Variants in COL19A1 observed in about 807,000 individuals in gnomAD.
The protein encoded by COL19A1 is collagen type XIX alpha 1 chain.
COL19A1 carries 159 observed loss-of-function variants against 190.2 expected under a neutral mutation model. The ratio of observed to expected loss-of-function variants is 0.84; its 90% confidence interval spans 0.73 to 0.95. The LOEUF is 0.95. Among genes scored for constraint, COL19A1 ranks in the 40% least tolerant of loss-of-function variants. The pLI is 0.00. For missense variants in COL19A1, 1,418 were observed against 1,431.9 expected, an observed-to-expected ratio of 0.99 and a Z score of 0.16; for synonymous variants, 509 against 458.9, an observed-to-expected ratio of 1.11 and a Z score of -1.39.
At chr6:70,203,864 A>AT (rs11444591) in intron 49 of COL19A1, among the ~76,000 whole-genome samples, 10,178 of 146,692 alleles carry the variant, frequency 0.069, 1,136 homozygotes, top group African/African-American at 0.23. Flanking sequence ...ATCCTGTAGA[A>AT]TTTTTTTTTT....
At chr6:70,190,292 A>G in intron 47 of COL19A1, 23 bp from the exon 48 acceptor site, 1 of 1,567,198 alleles carries the variant, frequency 6.4e-7, no homozygotes, top group Non-Finnish European at 8.8e-7. Flanking sequence ...CTATTTTAAC[A>G]ACCTTTTTTT....
intron 12 of COL19A1, among the ~76,000 whole-genome samples, chr6:70,031,269 A>T (rs1388989201): frequency 6.6e-6 from 1 of 152,052 alleles, no homozygotes; most frequent in Non-Finnish European, 1.5e-5. Flanking sequence ...TTCATGAGGT[A>T]CATGAGAATT....
intron 16 of COL19A1, among the ~76,000 whole-genome samples, chr6:70,117,826 ACAAT>A (rs2150207471): frequency 6.6e-6 from 1 of 152,360 alleles, no homozygotes; most frequent in Admixed American, 6.5e-5. Context: ...TGACTTGTGT[ACAAT>A]CATGTTGTGG....
intron 19 of COL19A1, among the ~76,000 whole-genome samples, chr6:70,140,362 G>A (rs1287359862): frequency 1.3e-5 from 2 of 151,792 alleles, no homozygotes; most frequent in East Asian, 1.9e-4. Flanking sequence ...AATTTTTATT[G>A]CTGTATTATT....
At chr6:70,168,984 C>T (rs1238589519) in intron 40 of COL19A1, among the ~76,000 whole-genome samples, 1 of 151,990 alleles carries the variant, frequency 6.6e-6, no homozygotes. Flanking sequence ...TAATAGCCCT[C>T]TTCTGATAAT....
chr6:69,869,522 TAGATC>T (rs553268184), intron 1 of COL19A1, among the ~76,000 whole-genome samples: 114 of 152,126 alleles, frequency 7.5e-4, no homozygotes, highest in Middle Eastern at 3.4e-3. Flanking sequence ...TTAAGATTAT[TAGATC>T]AGAAAACCAG....
At chr6:70,185,041 C>A in intron 46 of COL19A1, 126 bp downstream of exon 46, 1 of 797,172 alleles carries the variant, frequency 1.3e-6, no homozygotes, top group Non-Finnish European at 1.9e-6. Context: ...AGGGTGTAGG[C>A]GATCAAAGAT....
At chr6:70,139,538 C>T (rs528454683) in intron 19 of COL19A1, among the ~76,000 whole-genome samples, 5 of 152,178 alleles carry the variant, frequency 3.3e-5, no homozygotes, top group African/African-American at 4.8e-5. Context: ...ATTAAAACAA[C>T]GCAAATTTTA....
At chr6:69,983,021 T>TAA (rs397951373) in intron 11 of COL19A1, among the ~76,000 whole-genome samples, 5,085 of 148,088 alleles carry the variant, frequency 0.034, 117 homozygotes, top group Admixed American at 0.062. Flanking sequence ...AATAAATAAA[T>TAA]ATAAAATAAA....
At position 70,064,126 on chromosome 6, in the gene COL19A1, A is replaced by T. The variant is rs1781024695; in HGVS notation, c.1171-4297A>T. ...GAGAGAATCCTCCCTAACTCATTTTATGAGGACAGCATCATCCTGATACCA... is the reference window on the plus strand; with the variant it reads ...GAGAGAATCCTCCCTAACTCATTTTTTGAGGACAGCATCATCCTGATACCA... On this transcript the variant is annotated intron_variant, in intron 14 of 50. Transcript: ENST00000620364. Among the ~76,000 whole-genome samples, 4 of 152,220 alleles carry T rather than the reference A, an allele frequency of 2.6e-5. No homozygotes were observed. In the South Asian group the frequency reaches 8.3e-4, roughly 32 times the overall value.
intron 2 of COL19A1, among the ~76,000 whole-genome samples, chr6:69,884,854 T>C (rs985174686): frequency 1.3e-5 from 2 of 148,710 alleles, no homozygotes; most frequent in African/African-American, 4.9e-5. Flanking sequence ...CCTTTGGCTC[T>C]TTTCTCTTTT....
chr6:70,000,541 A>G (rs1039378295), intron 11 of COL19A1, among the ~76,000 whole-genome samples: 4 of 152,068 alleles, frequency 2.6e-5, no homozygotes, highest in Non-Finnish European at 5.9e-5. Context: ...ATGTTTCTTG[A>G]CTTTTTAATA....
intron 20 of COL19A1, 80 bp from the exon 21 acceptor site, chr6:70,141,813 G>T (rs751182119): frequency 1.1e-5 from 10 of 919,848 alleles, no homozygotes; most frequent in Non-Finnish European, 1.7e-5. Flanking sequence ...TTAATTAGTA[G>T]AAATTCAATT....
chr6:69,898,914 G>T, intron 2 of COL19A1, 34 bp from the exon 3 acceptor site: 1 of 1,313,906 alleles, frequency 7.6e-7, no homozygotes, highest in Non-Finnish European at 1.1e-6. Flanking sequence ...CATACATAAT[G>T]CAAATCCTCT....
At chr6:70,055,602 G>A (rs142940226) in intron 14 of COL19A1, among the ~76,000 whole-genome samples, 2 of 151,498 alleles carry the variant, frequency 1.3e-5, no homozygotes, top group African/African-American at 4.8e-5. Flanking sequence ...GCCAACATGG[G>A]GAAACCTCAT....
At chr6:69,899,907 T>G (rs1335237091) in intron 3 of COL19A1, among the ~76,000 whole-genome samples, 1 of 152,196 alleles carries the variant, frequency 6.6e-6, no homozygotes, top group African/African-American at 2.4e-5. Flanking sequence ...TTTAATCTAA[T>G]TTTCTAACTT....
At chr6:70,081,707 A>G (rs1024683557) in intron 15 of COL19A1, among the ~76,000 whole-genome samples, 1 of 152,194 alleles carries the variant, frequency 6.6e-6, no homozygotes, top group African/African-American at 2.4e-5. Flanking sequence ...GAAAATGACC[A>G]TGCATGCTGA....
intron 11 of COL19A1, among the ~76,000 whole-genome samples, chr6:70,023,197 G>A (rs569295767): frequency 4.1e-5 from 6 of 144,600 alleles, no homozygotes; most frequent in Admixed American, 1.4e-4. Context: ...GCAATGGCAT[G>A]ATCTTGGCTC....
At chr6:70,031,666 T>A (rs1779082658) in intron 12 of COL19A1, among the ~76,000 whole-genome samples, 1 of 152,208 alleles carries the variant, frequency 6.6e-6, no homozygotes, top group South Asian at 2.1e-4. Flanking sequence ...TTAATAGTAC[T>A]CCGTTGTGTA....
Sources: gnomAD v4.1 joint callset for allele counts (sites outside exome capture counted in the v4.1 genomes callset) on GRCh38, gnomAD v4.1.1 for gene constraint, MANE v1.5 for transcripts, NCBI Gene and HGNC (gene_info 2026-07-23, HGNC 2026-07-21) for gene names.